TUBGCP3: variants seen among roughly 807,000 people sequenced by gnomAD.
TUBGCP3 encodes tubulin gamma complex component 3.
Under a neutral mutation model 123.1 loss-of-function variants are expected in TUBGCP3, and 50 were observed. The ratio of observed to expected loss-of-function variants is 0.41; its 90% CI spans 0.32 to 0.51. The LOEUF (loss-of-function observed/expected upper bound fraction) is 0.51. TUBGCP3 is among the 20% of genes least tolerant of loss of function. TUBGCP3 has a pLI of 0.36. For missense variants in TUBGCP3, 882 were observed against 1,127.0 expected (o/e 0.78, Z 3.11); for synonymous variants, 405 against 413.9 (o/e 0.98, Z 0.26).
the TUBGCP3 span, among the ~76,000 whole-genome samples, chr13:112,602,426 C>T: frequency 8.7e-4 from 132 of 152,234 alleles, no homozygotes; most frequent in African/African-American, 2.9e-3. Flanking sequence ...CAAACTCTTC[C>T]GTGAGCCACC....
chr13:112,506,058 G>T (rs1185588859), intron 17 of TUBGCP3, among the ~76,000 whole-genome samples: 1 of 152,136 alleles, frequency 6.6e-6, no homozygotes, highest in East Asian at 1.9e-4. Context: ...AACAAACGAT[G>T]TTTAAAAAAA....
chr13:112,574,651 G>C (rs1881671386), intron 1 of TUBGCP3, among the ~76,000 whole-genome samples: 2 of 152,202 alleles, frequency 1.3e-5, no homozygotes, highest in Admixed American at 1.3e-4. Flanking sequence ...TCAAGACAGA[G>C]TAAGCACACT....
chr13:112,512,356 A>C (rs1566542937), intron 17 of TUBGCP3, among the ~76,000 whole-genome samples: 3 of 139,638 alleles, frequency 2.1e-5, no homozygotes, highest in African/African-American at 5.4e-5. Flanking sequence ...TGATCCTGGG[A>C]GGCGGAGGTT....
chr13:112,490,577 T>C (rs747837202), intron 20 of TUBGCP3, among the ~76,000 whole-genome samples: 3 of 152,210 alleles, frequency 2.0e-5, no homozygotes, highest in Non-Finnish European at 2.9e-5. Flanking sequence ...ACTTGTCAAA[T>C]ATGGTGAATT....
rs188751587 is a variant in TUBGCP3, at chr13:112,581,710, T to G, written c.76+6195A>C. 3.9e-5 allele frequency among the ~76,000 whole-genome samples: 6 copies of G among 152,334 alleles called. No homozygotes were observed. In the East Asian group the frequency reaches 1.2e-3, roughly 29 times the overall value. Reference sequence around the variant, plus strand: ...ATCCTCCCGCCTTGGCCTCCCAAAGTGCTGGGATTACAGGTGTGAGCCACC... The same window carrying G: ...ATCCTCCCGCCTTGGCCTCCCAAAGGGCTGGGATTACAGGTGTGAGCCACC... On this transcript the variant is annotated intron_variant, in intron 1 of 21. Transcript: ENST00000261965.
chr13:112,548,568 AT>A (rs1291720935), intron 8 of TUBGCP3, among the ~76,000 whole-genome samples: 4 of 152,182 alleles, frequency 2.6e-5, no homozygotes, highest in African/African-American at 9.7e-5. Flanking sequence ...ATGGGAGAAA[AT>A]TTTTACAATC....
At chr13:112,491,768 G>A (rs1043534977) in intron 20 of TUBGCP3, among the ~76,000 whole-genome samples, 13 of 152,140 alleles carry the variant, frequency 8.5e-5, no homozygotes, top group African/African-American at 2.9e-4. Flanking sequence ...TTACAGGCAT[G>A]AGCCACCACG....
chr13:112,581,034 A>ACAC lies in TUBGCP3; in HGVS notation c.76+6870_76+6871insGTG, dbSNP rs1555345984. Among the ~76,000 whole-genome samples, 5 of 151,684 alleles carry ACAC rather than the reference A, an allele frequency of 3.3e-5. No individual in the cohort carries two copies. In the South Asian group the frequency reaches 6.2e-4, roughly 19 times the overall value. ...AATATTATCATCACTCTGCTCACAC[A>ACAC]CCCATCACACTCACAACAGAACCCA... On this transcript the variant is annotated intron_variant, in intron 1 of 21. Transcript: ENST00000261965.
At chr13:112,549,267 C>T (rs1397472232) in intron 8 of TUBGCP3, among the ~76,000 whole-genome samples, 1 of 149,400 alleles carries the variant, frequency 6.7e-6, no homozygotes, top group African/African-American at 2.5e-5. Context: ...TTCTCACTCA[C>T]AGGTGGGAAT....
chr13:112,578,109 G>A (rs543753115), intron 1 of TUBGCP3, among the ~76,000 whole-genome samples: 1 of 152,134 alleles, frequency 6.6e-6, no homozygotes, highest in East Asian at 1.9e-4. Flanking sequence ...CTGTGCTAAA[G>A]GGCGGAAGGC....
rs373979042 is a variant in TUBGCP3, at chr13:112,554,060, C to T, written c.963G>A (p.Gly321=). The T allele has an allele frequency of 2.5e-6, 4 of 1,612,190 alleles. No homozygotes were observed. The African/African-American group carries it at 4.0e-5, about 16-fold the overall frequency. ...ATCCTAGGAACCATGAACGCACCTG[C>T]CCGACGAGTCCGAATGAGCGGTCCA... is the stretch of plus-strand genomic sequence containing the variant. The part of the protein sequence containing the change: ...RSLDRSFGLV[G]QSFCAALHQE... Residue 321 remains glycine, a synonymous_variant, in exon 8 of 22, where the codon GGG becomes GGA. Transcript: ENST00000261965.
In TUBGCP3 at chr13:112,519,426, T is replaced by G. The variant is rs145078891; in HGVS notation, c.1882-383A>C. 4.6e-5 allele frequency among the ~76,000 whole-genome samples: 7 copies of G among 152,190 alleles called. No individual in the cohort carries two copies. Among genetic ancestry groups the G allele is most frequent in the African/African-American group, 1.7e-4 (7 of 41,454 alleles). Reference sequence around the variant, plus strand: ...TGATCTTCCATCACAACTAAGTAAATAGTGGGTTTATGTTCATAATAACCA... The same window carrying G: ...TGATCTTCCATCACAACTAAGTAAAGAGTGGGTTTATGTTCATAATAACCA... On this transcript the variant is annotated intron_variant, in intron 15 of 21. Coordinates refer to ENST00000261965, the MANE Select transcript of TUBGCP3 (RefSeq NM_006322.6). The surrounding 1 kb of genome is among the most constrained non-coding windows in gnomAD (Gnocchi z 6.2).
At chr13:112,496,801 A>G (rs1880557314) in intron 20 of TUBGCP3, among the ~76,000 whole-genome samples, 3 of 152,138 alleles carry the variant, frequency 2.0e-5, no homozygotes, top group Non-Finnish European at 4.4e-5. Context: ...CCTGGCTAAC[A>G]CAGTGAAACC....
At chr13:112,489,819 T>TC (rs1879953629) in intron 20 of TUBGCP3, 122 bp from the exon 21 acceptor site, 4 of 694,074 alleles carry the variant, frequency 5.8e-6, no homozygotes, top group Non-Finnish European at 1.0e-5. Flanking sequence ...TCTGTACTGT[T>TC]CAACACTTTC....
At position 112,519,836 on chromosome 13, in the gene TUBGCP3, G is replaced by C; in HGVS notation, c.1881+50C>G. ...ACACTCGCTAGAACACCCCGGCCCA[G>C]TGGGTCCTCGGTGCCGGGGCGGCGT... On this transcript the variant is annotated intron_variant, in intron 15 of 21. Coordinates refer to ENST00000261965, the MANE Select transcript of TUBGCP3 (RefSeq NM_006322.6). This position sits in a 1 kb window ranked among gnomAD's most constrained non-coding sequence, Gnocchi z 6.2. 1 of 1,591,146 alleles carries C rather than the reference G, an allele frequency of 6.3e-7. No individual in the cohort carries two copies. Among genetic ancestry groups the C allele is most frequent in the Non-Finnish European group, 8.6e-7 (1 of 1,166,898 alleles).
intron 20 of TUBGCP3, among the ~76,000 whole-genome samples, chr13:112,492,571 T>C (rs1197429656): frequency 6.7e-6 from 1 of 149,586 alleles, no homozygotes; most frequent in African/African-American, 2.6e-5. Context: ...GAACAGGGCC[T>C]GGTGTGTCTG....
In TUBGCP3 at chr13:112,554,200, C is replaced by T. The variant is rs1236728189; in HGVS notation, c.841-18G>A. 1 of 1,611,490 alleles carries T rather than the reference C, an allele frequency of 6.2e-7. No individual in the cohort carries two copies. The highest frequency in any genetic ancestry group is 8.5e-7 in the Non-Finnish European group (1 of 1,179,324). On this transcript the variant is annotated intron_variant, in intron 7 of 21. Coordinates refer to ENST00000261965, the MANE Select transcript of TUBGCP3 (RefSeq NM_006322.6). ...AGATTTGCCTAAAAAGTAAATACAT[C>T]AAATGTTAAACATTAAAAAGCAATA...
the TUBGCP3 span, among the ~76,000 whole-genome samples, chr13:112,595,100 T>C: frequency 6.6e-6 from 1 of 152,218 alleles, no homozygotes; most frequent in African/African-American, 2.4e-5. Context: ...TCCTTGTGAA[T>C]TTTCTGTTTA....
At chr13:112,540,347 T>G (rs1878414783) in intron 11 of TUBGCP3, among the ~76,000 whole-genome samples, 1 of 148,190 alleles carries the variant, frequency 6.7e-6, no homozygotes, top group Non-Finnish European at 1.5e-5. Context: ...AGTAGCCCTA[T>G]GAGCATTCAG....
Sources: gnomAD v4.1 joint callset for allele counts (sites outside exome capture counted in the v4.1 genomes callset) on GRCh38, gnomAD v4.1.1 for gene constraint, Gnocchi (gnomAD v3.1) non-coding constraint, MANE v1.5 for transcripts, NCBI Gene and HGNC (gene_info 2026-07-23, HGNC 2026-07-21) for gene names.